GNAQ: variants seen among roughly 807,000 people sequenced by gnomAD.
The protein encoded by GNAQ is G protein subunit alpha q.
GNAQ carries 8 observed loss-of-function variants against 43.9 expected under a neutral mutation model. The observed-to-expected ratio is 0.18, with a 90% CI of 0.11 to 0.33. The LOEUF (loss-of-function observed/expected upper bound fraction) is 0.33, where lower values mean the gene tolerates loss of function less well. Among genes scored for constraint, GNAQ ranks in the 10% least tolerant of loss-of-function variants. The probability of loss-of-function intolerance (pLI) is 1.00; values close to 1 mark genes in which losing one functional copy is unlikely to be tolerated. For missense variants in GNAQ, 158 were observed against 450.8 expected, an observed-to-expected ratio of 0.35 and a Z score of 5.88; for synonymous variants, 155 against 170.7, an observed-to-expected ratio of 0.91 and a Z score of 0.71.
intron 5 of GNAQ, among the ~76,000 whole-genome samples, chr9:77,771,026 G>A (rs1055742800): frequency 6.6e-6 from 1 of 152,036 alleles, no homozygotes; most frequent in African/African-American, 2.4e-5. Context: ...TTAGTAAGTC[G>A]GTTTTTGGAG....
Position 77,718,148 on chromosome 9 carries a change from T to G in GNAQ, c.*3175A>C, listed in dbSNP as rs1825252970. On this transcript the variant is annotated 3_prime_UTR_variant, in exon 7 of 7. Coordinates refer to ENST00000286548, the MANE Select transcript of GNAQ (RefSeq NM_002072.5). ...TGAAGAAAGGTTTCTGTGTTTTATG[T>G]TTTTGTTTTTGAATAAGACATGCCC... The G allele has an allele frequency of 4.3e-6, 1 of 232,718 alleles. No homozygotes were observed. Among genetic ancestry groups the G allele is most frequent in the South Asian group, 1.8e-4 (1 of 5,528 alleles). 14.4% of individuals were successfully genotyped at this position (232,718 alleles called of 1,614,324 possible).
At chr9:78,014,713 G>A (rs1164653168) in intron 1 of GNAQ, among the ~76,000 whole-genome samples, 3 of 152,100 alleles carry the variant, frequency 2.0e-5, no homozygotes, top group Non-Finnish European at 4.4e-5. Flanking sequence ...TATTAATAAC[G>A]ATGCTGAGTT....
At chr9:77,877,576 CTTT>C (rs1413031903) in intron 2 of GNAQ, among the ~76,000 whole-genome samples, 1 of 152,044 alleles carries the variant, frequency 6.6e-6, no homozygotes, top group African/African-American at 2.4e-5. Context: ...CCAAATTATG[CTTT>C]TTATTTGAGG....
intron 2 of GNAQ, among the ~76,000 whole-genome samples, chr9:77,916,343 T>A (rs1828904243): frequency 6.6e-6 from 1 of 152,218 alleles, no homozygotes; most frequent in African/African-American, 2.4e-5. Context: ...GAAATCAGCC[T>A]TTTGGCATTT....
intron 1 of GNAQ, among the ~76,000 whole-genome samples, chr9:77,959,352 T>C (rs1220905794): frequency 1.3e-5 from 2 of 152,244 alleles, no homozygotes; most frequent in African/African-American, 4.8e-5. Flanking sequence ...TGTTTTCATA[T>C]ATAACTTTTA....
chr9:77,976,219 G>T (rs1823299756), intron 1 of GNAQ, among the ~76,000 whole-genome samples: 2 of 152,208 alleles, frequency 1.3e-5, no homozygotes, highest in East Asian at 3.9e-4. Context: ...TTAGAAAAAG[G>T]TAGAACACAA....
chr9:77,774,730 T>A (rs1319029018), intron 5 of GNAQ, among the ~76,000 whole-genome samples: 1 of 152,246 alleles, frequency 6.6e-6, no homozygotes, highest in Non-Finnish European at 1.5e-5. Context: ...CCAAAAGTGC[T>A]GGCATTACAG....
At chr9:77,745,982 G>GATAA (rs899479991) in intron 5 of GNAQ, among the ~76,000 whole-genome samples, 1 of 151,938 alleles carries the variant, frequency 6.6e-6, no homozygotes, top group African/African-American at 2.4e-5. Flanking sequence ...AATTATCTTA[G>GATAA]ATAAATAAAA....
rs779143139 is a variant in GNAQ, at chr9:77,815,640, T to C, written c.452A>G (p.Tyr151Cys). 6.2e-7 allele frequency: 1 copy of C among 1,606,106 alleles called. No individual in the cohort carries two copies. The highest frequency in any genetic ancestry group is 8.5e-7 in the Non-Finnish European group (1 of 1,173,694). Residue 151 changes from tyrosine (Y) to cysteine (C), a missense_variant, in exon 3 of 7, where the codon TAT becomes TGT. Tyr to Cys is a radical substitution (Grantham distance 194). This residue lies in a region of GNAQ where 5 missense variants were observed against 32.4 expected (regional missense o/e 0.15). Coordinates refer to ENST00000286548, the MANE Select transcript of GNAQ (RefSeq NM_002072.5). ...IQECYDRRRE[Y>C]QLSDSTKYYL... ...CTATTTGGTAGAGTCAGATAATTGA[T>C]ATTCTCGTCGTCTATCATAGCATTC...
chr9:77,824,883 G>A (rs1473844194), intron 2 of GNAQ, among the ~76,000 whole-genome samples: 2 of 152,034 alleles, frequency 1.3e-5, no homozygotes. Flanking sequence ...AAGAAAACCT[G>A]GAATAAAAAT....
chr9:77,847,454 C>T (rs1827605530), intron 2 of GNAQ, among the ~76,000 whole-genome samples: 1 of 152,120 alleles, frequency 6.6e-6, no homozygotes, highest in Non-Finnish European at 1.5e-5. Flanking sequence ...CCTTTAAAGA[C>T]CACGTCCTGT....
chr9:77,922,179 G>A lies in GNAQ; in HGVS notation c.303C>T (p.Tyr101=), dbSNP rs200106152. 1 of 1,581,364 alleles carries A rather than the reference G, an allele frequency of 6.3e-7. No individual in the cohort carries two copies. The change falls in exon 2 of 7, where the codon TAC becomes TAT. Residue 101 remains tyrosine, a synonymous_variant. Transcript: ENST00000286548. The part of the protein sequence containing the change: ...IRAMDTLKIP[Y]KYEHNKAHAQ... The stretch of plus-strand genomic sequence containing the variant: ...CACCTACCTTATTGTGCTCATACTT[G>A]TATGGGATCTTGAGTGTGTCCATGG...
chr9:77,815,866 C>A, intron 2 of GNAQ, 96 bp from the exon 3 acceptor site: 1 of 720,072 alleles, frequency 1.4e-6, no homozygotes, highest in Non-Finnish European at 2.3e-6. Flanking sequence ...GTAACACCTT[C>A]CTTCATATAC....
chr9:77,886,937 C>T (rs1264994024), intron 2 of GNAQ, among the ~76,000 whole-genome samples: 4 of 147,762 alleles, frequency 2.7e-5, no homozygotes, highest in African/African-American at 9.9e-5. Context: ...AGTGAAACCC[C>T]ATCTCTACTA....
intron 2 of GNAQ, among the ~76,000 whole-genome samples, chr9:77,842,848 T>C (rs1432825682): frequency 6.6e-6 from 1 of 152,158 alleles, no homozygotes; most frequent in Non-Finnish European, 1.5e-5. Flanking sequence ...GCTCCTAGAA[T>C]TCTAGATACA....
intron 1 of GNAQ, among the ~76,000 whole-genome samples, chr9:78,015,899 A>C (rs1403746082): frequency 6.6e-6 from 1 of 152,188 alleles, no homozygotes; most frequent in Non-Finnish European, 1.5e-5. Context: ...AAATAATCTA[A>C]GAATTCTGAT....
At chr9:77,791,424 GGATT>G (rs1826570753) in intron 5 of GNAQ, among the ~76,000 whole-genome samples, 1 of 152,092 alleles carries the variant, frequency 6.6e-6, no homozygotes, top group Admixed American at 6.5e-5. Context: ...GCAGAATAGT[GGATT>G]CCATGCTGGT....
chr9:77,826,271 G>A (rs1299074336), intron 2 of GNAQ, among the ~76,000 whole-genome samples: 1 of 152,120 alleles, frequency 6.6e-6, no homozygotes, highest in Non-Finnish European at 1.5e-5. Context: ...AATAATCTGA[G>A]TTTGCACCCT....
chr9:77,716,344 T>G lies in GNAQ; in HGVS notation c.*4979A>C, dbSNP rs1825227192. 1 of 232,536 alleles carries G rather than the reference T, an allele frequency of 4.3e-6. No individual in the cohort carries two copies. The highest frequency in any genetic ancestry group is 8.5e-6 in the Non-Finnish European group (1 of 117,626). 14.4% of individuals were successfully genotyped at this position (232,536 alleles called of 1,614,324 possible). ...CATTATTATACAACATTAGGTGTTT[T>G]TTGCAAAACTAGTTCCCATCCCCAA... On this transcript the variant is annotated 3_prime_UTR_variant, in exon 7 of 7. Transcript: ENST00000286548.
Sources: allele counts gnomAD v4.1 joint callset (sites outside exome capture counted in the v4.1 genomes callset), GRCh38; gene constraint gnomAD v4.1.1; regional missense constraint gnomAD v4.1.1; transcripts MANE v1.5; gene names NCBI Gene and HGNC (gene_info 2026-07-23, HGNC 2026-07-21).